The following EYS variants were observed in gnomAD, a reference collection of about 807,000 sequenced individuals.
EYS encodes the protein protein eyes shut homolog.
A neutral mutation model predicts 282.1 loss-of-function variants in EYS; 250 were observed. The ratio of observed to expected loss-of-function variants is 0.89; its 90% confidence interval spans 0.80 to 0.98. EYS has a LOEUF of 0.98. Ranked by LOEUF, EYS falls within the 50% of genes least tolerant of loss-of-function variation. The pLI is 0.00. For missense variants in EYS, 4,016 were observed against 3,709.0 expected (o/e 1.08, Z -2.15); for synonymous variants, 1,355 against 1,282.9 (o/e 1.06, Z -1.20).
At chr6:65,703,867 G>A (rs778997877) in intron 1 of EYS, among the ~76,000 whole-genome samples, 3 of 152,114 alleles carry the variant, frequency 2.0e-5, no homozygotes, top group Non-Finnish European at 4.4e-5. Flanking sequence ...ATTATGTAAT[G>A]GATTGGCATG....
intron 22 of EYS, among the ~76,000 whole-genome samples, chr6:64,661,408 GC>G (rs1303972481): frequency 2.0e-5 from 3 of 152,108 alleles, no homozygotes; most frequent in Admixed American, 2.0e-4. Context: ...AAACTAAAAA[GC>G]TTCTGCACAG....
intron 26 of EYS, among the ~76,000 whole-genome samples, chr6:64,488,810 T>C (rs924726505): frequency 2.3e-4 from 35 of 151,002 alleles, no homozygotes; most frequent in African/African-American, 8.2e-4. Flanking sequence ...TTTGGAAATA[T>C]GCTTCTAATA....
intron 5 of EYS, among the ~76,000 whole-genome samples, chr6:65,476,429 C>A (rs1056863627): frequency 6.6e-6 from 1 of 152,080 alleles, no homozygotes; most frequent in Non-Finnish European, 1.5e-5. Flanking sequence ...TAATTTAATT[C>A]ACTTATCTCA....
At chr6:64,809,618 C>T (rs1486584768) in intron 22 of EYS, among the ~76,000 whole-genome samples, 1 of 151,914 alleles carries the variant, frequency 6.6e-6, no homozygotes, top group African/African-American at 2.4e-5. Context: ...ACATATACAC[C>T]ACACCATAGA....
intron 5 of EYS, among the ~76,000 whole-genome samples, chr6:65,415,803 G>T (rs1332347604): frequency 6.6e-6 from 1 of 152,032 alleles, no homozygotes; most frequent in African/African-American, 2.4e-5. Flanking sequence ...ATAAATGGTT[G>T]CTTAGCATAT....
intron 10 of EYS, among the ~76,000 whole-genome samples, chr6:65,341,174 G>T (rs1770188439): frequency 6.6e-6 from 1 of 151,096 alleles, no homozygotes; most frequent in Non-Finnish European, 1.5e-5. Flanking sequence ...GAGTTCAGAT[G>T]ATCACATCAC....
At chr6:65,704,877 T>G (rs927725311) in intron 1 of EYS, among the ~76,000 whole-genome samples, 27 of 152,214 alleles carry the variant, frequency 1.8e-4, no homozygotes, top group Non-Finnish European at 3.4e-4. Context: ...AATCTTTGTT[T>G]CTTCCAGTTC....
At chr6:65,195,772 G>A (rs1765750256) in intron 12 of EYS, among the ~76,000 whole-genome samples, 1 of 151,892 alleles carries the variant, frequency 6.6e-6, no homozygotes, top group Admixed American at 6.6e-5. Flanking sequence ...TGCCCAAGCT[G>A]GCATAGAGAT....
In EYS at chr6:65,131,233, A is replaced by C. The variant is rs1392499546; in HGVS notation, c.2024-73506T>G. ...TGAGCTTAGATAAGTCAATAAAACTATAAAGTAAGTAAGGGGGAAAGCCAG... is the reference window on the plus strand; with the variant it reads ...TGAGCTTAGATAAGTCAATAAAACTCTAAAGTAAGTAAGGGGGAAAGCCAG... On this transcript the variant is annotated intron_variant, in intron 12 of 42. Transcript: ENST00000503581. 1.3e-5 allele frequency among the ~76,000 whole-genome samples: 2 copies of C among 151,864 alleles called. 1 individual carries two copies. The highest frequency in any genetic ancestry group is 2.9e-5 in the Non-Finnish European group (2 of 67,882).
chr6:65,384,345 T>A (rs1476289524), intron 8 of EYS, 41 bp downstream of exon 8: 10 of 1,134,332 alleles, frequency 8.8e-6, no homozygotes, highest in African/African-American at 1.5e-5. Context: ...CTATTGTATT[T>A]TGAAGGGCTA....
chr6:65,451,132 T>A (rs1764380032), intron 5 of EYS, among the ~76,000 whole-genome samples: 1 of 152,096 alleles, frequency 6.6e-6, no homozygotes, highest in East Asian at 1.9e-4. Flanking sequence ...AATAGAATTT[T>A]TCTATTCTAT....
chr6:65,484,465 C>G (rs895255884), intron 5 of EYS, among the ~76,000 whole-genome samples: 3 of 152,074 alleles, frequency 2.0e-5, no homozygotes, highest in Non-Finnish European at 4.4e-5. Context: ...GGTAATATAA[C>G]CAGTAATAAC....
chr6:64,388,894 C>T, intron 28 of EYS, 54 bp from the exon 29 acceptor site: 1 of 1,108,092 alleles, frequency 9.0e-7, no homozygotes, highest in South Asian at 2.2e-5. Context: ...AAACATTTAT[C>T]TGACAAATTA....
intron 26 of EYS, among the ~76,000 whole-genome samples, chr6:64,516,140 A>G (rs1260457300): frequency 1.3e-5 from 2 of 151,836 alleles, no homozygotes; most frequent in African/African-American, 2.4e-5. Flanking sequence ...TAGAGGGGGA[A>G]CAACACACAC....
intron 26 of EYS, among the ~76,000 whole-genome samples, chr6:64,440,911 T>C (rs747228081): frequency 1.3e-5 from 2 of 152,166 alleles, no homozygotes; most frequent in African/African-American, 4.8e-5. Context: ...TCATGACATG[T>C]CTGAACAGAA....
intron 14 of EYS, 85 bp downstream of exon 14, chr6:64,997,497 C>G: frequency 7.7e-7 from 1 of 1,300,464 alleles, no homozygotes; most frequent in Non-Finnish European, 1.1e-6. Context: ...ACCTAACACA[C>G]AGGCAAAAAC....
chr6:65,148,156 C>T (rs6913190), intron 12 of EYS, among the ~76,000 whole-genome samples: 4,285 of 152,144 alleles, frequency 0.028, 155 homozygotes, highest in African/African-American at 0.085. Flanking sequence ...TCTCAACAGT[C>T]CTCAAAGGCT....
At chr6:64,048,742 C>G (rs1161156783) in intron 33 of EYS, among the ~76,000 whole-genome samples, 3 of 151,686 alleles carry the variant, frequency 2.0e-5, no homozygotes, top group Non-Finnish European at 2.9e-5. Context: ...TTTTGGAAAT[C>G]TGGTTTCTGT....
intron 29 of EYS, among the ~76,000 whole-genome samples, chr6:64,315,820 A>G (rs965361056): frequency 1.1e-4 from 16 of 151,660 alleles, no homozygotes; most frequent in Non-Finnish European, 2.1e-4. Context: ...AACCCTCAAT[A>G]AAATGCTGGC....
Sources: gnomAD v4.1 joint callset for allele counts (sites outside exome capture counted in the v4.1 genomes callset) on GRCh38, gnomAD v4.1.1 for gene constraint, MANE v1.5 for transcripts, NCBI Gene and HGNC (gene_info 2026-07-23, HGNC 2026-07-21) for gene names.